Variants in PIP5K1A observed in about 807,000 individuals in gnomAD.
PIP5K1A encodes the protein phosphatidylinositol-4-phosphate 5-kinase type 1 alpha.
PIP5K1A carries 46 observed loss-of-function variants against 72.9 expected under a neutral mutation model. The observed-to-expected ratio is 0.63, with a 90% CI of 0.50 to 0.81. PIP5K1A has a LOEUF of 0.81. PIP5K1A is among the 30% of genes least tolerant of loss of function. The pLI, the probability that PIP5K1A is intolerant of heterozygous loss-of-function variation, is 0.00. For synonymous variants in PIP5K1A, 228 were observed against 255.1 expected, an observed-to-expected ratio of 0.89 and a Z score of 1.01; for missense variants, 458 against 706.1, an observed-to-expected ratio of 0.65 and a Z score of 3.98.
chr1:151,230,347 C>T (rs1429683244), intron 4 of PIP5K1A, among the ~76,000 whole-genome samples: 1 of 152,128 alleles, frequency 6.6e-6, no homozygotes, highest in Admixed American at 6.6e-5. Context: ...CCATGTGTAC[C>T]TAGTGGCTAC....
At chr1:151,247,832 A>G in intron 15 of PIP5K1A, 31 bp from the exon 16 acceptor site, 1 of 1,585,682 alleles carries the variant, frequency 6.3e-7, no homozygotes, top group Non-Finnish European at 8.6e-7. Context: ...CTCATACTCC[A>G]CATCCTTAAC....
chr1:151,240,756 T>A (rs935015613), intron 12 of PIP5K1A, among the ~76,000 whole-genome samples: 4 of 152,136 alleles, frequency 2.6e-5, no homozygotes, highest in African/African-American at 9.7e-5. Flanking sequence ...CATGAGACCT[T>A]GTCTCTACAA....
chr1:151,241,793 T>TC (rs1204995912), intron 12 of PIP5K1A, among the ~76,000 whole-genome samples: 3 of 126,234 alleles, frequency 2.4e-5, no homozygotes, highest in Non-Finnish European at 4.9e-5. Flanking sequence ...AGAGCGAAAC[T>TC]CCATCTCAAA....
chr1:151,216,900 GTTTTTTTTTTTTT>G (rs78155966), intron 1 of PIP5K1A, among the ~76,000 whole-genome samples: 17 of 136,674 alleles, frequency 1.2e-4, no homozygotes, highest in South Asian at 2.5e-4. Context: ...CTTAGTAAAT[GTTTTTTTTTTTTT>G]TTTTTTTTTT....
intron 15 of PIP5K1A, among the ~76,000 whole-genome samples, chr1:151,247,587 G>A (rs587662967): frequency 2.0e-5 from 3 of 152,140 alleles, no homozygotes; most frequent in Non-Finnish European, 2.9e-5. Context: ...CACCATGCCC[G>A]GCTAATTTTT....
chr1:151,241,615 A>C (rs2101628703), intron 12 of PIP5K1A, among the ~76,000 whole-genome samples: 1 of 152,272 alleles, frequency 6.6e-6, no homozygotes, highest in South Asian at 2.1e-4. Flanking sequence ...AGCCTGACCA[A>C]CATGGTGAAA....
At chr1:151,211,797 G>T (rs1417355309) in intron 1 of PIP5K1A, among the ~76,000 whole-genome samples, 8 of 141,230 alleles carry the variant, frequency 5.7e-5, no homozygotes, top group Admixed American at 1.5e-4. Flanking sequence ...CAGAGCAAGA[G>T]TCTGTCTCAA....
chr1:151,212,676 G>A (rs1357691729), intron 1 of PIP5K1A, among the ~76,000 whole-genome samples: 3 of 151,884 alleles, frequency 2.0e-5, no homozygotes, highest in Non-Finnish European at 4.4e-5. Context: ...CCAGGTTCAA[G>A]CCATTCTCCT....
intron 14 of PIP5K1A, among the ~76,000 whole-genome samples, chr1:151,242,981 G>A (rs1691980444): frequency 6.6e-6 from 1 of 152,184 alleles, no homozygotes; most frequent in Non-Finnish European, 1.5e-5. Context: ...CATGGCACCT[G>A]GGCTATCTGA....
intron 1 of PIP5K1A, among the ~76,000 whole-genome samples, chr1:151,206,513 G>T (rs950933403): frequency 6.6e-6 from 1 of 151,954 alleles, no homozygotes; most frequent in African/African-American, 2.4e-5. Context: ...TTTTGTTCTT[G>T]TTTGTTTGTT....
At chr1:151,215,012 C>T (rs1034933397) in intron 1 of PIP5K1A, among the ~76,000 whole-genome samples, 2 of 151,792 alleles carry the variant, frequency 1.3e-5, no homozygotes, top group East Asian at 1.9e-4. Context: ...GCCACCATGC[C>T]CAGCCTGTGC....
intron 12 of PIP5K1A, among the ~76,000 whole-genome samples, chr1:151,241,536 C>T (rs902924114): frequency 4.0e-5 from 6 of 151,868 alleles, no homozygotes; most frequent in African/African-American, 9.7e-5. Context: ...GGCAGTGGCT[C>T]ATACGTATAA....
rs771559819 is a variant in PIP5K1A at position 151,199,060 on chromosome 1, C to T, written c.64C>T (p.Pro22Ser). 3.1e-6 allele frequency: 5 copies of T among 1,614,144 alleles called. No homozygotes were observed. Among genetic ancestry groups the T allele is most frequent in the South Asian group, 1.1e-5 (1 of 91,092 alleles). Residue 22 changes from proline to serine, a missense_variant, in exon 1 of 16, where the codon CCT (proline) becomes TCT (serine). By Grantham distance (74) the Pro-to-Ser change is moderately conservative. Coordinates refer to ENST00000368888, the MANE Select transcript of PIP5K1A (RefSeq NM_001135638.2). Reference protein sequence around the residue: ...VGFSSFDPAVPSCTLSSAASG... With the variant: ...VGFSSFDPAVSSCTLSSAASG... The stretch of plus-strand genomic sequence containing the variant: ...TTTTTCATCCTTTGATCCCGCGGTC[C>T]CTTCCTGTACCTTGTCCTCAGGTAA...
intron 1 of PIP5K1A, among the ~76,000 whole-genome samples, chr1:151,206,387 G>A (rs1232286774): frequency 6.6e-6 from 1 of 152,104 alleles, no homozygotes; most frequent in Non-Finnish European, 1.5e-5. Context: ...ATACTTAACT[G>A]AGCAATATGG....
rs1684785399 is a variant in PIP5K1A at position 151,198,808 on chromosome 1, G to A, written c.-189G>A. 7 of 663,364 alleles carry A rather than the reference G, an allele frequency of 1.1e-5. No homozygotes were observed. The East Asian group carries it at 1.5e-4, about 14-fold the overall frequency. 41.1% of individuals were successfully genotyped at this position (663,364 alleles called of 1,614,324 possible). A position where few individuals can be genotyped will look rare whatever the true frequency, so the allele number is the denominator to read the frequency against. ...GGGACGTGAGTTCTTCCCCATGCCA[G>A]GCGAATGGTGTGGCCTTGAGCTGGT... On this transcript the variant is annotated 5_prime_UTR_variant, in exon 1 of 16. Coordinates refer to ENST00000368888, the MANE Select transcript of PIP5K1A (RefSeq NM_001135638.2).
At chr1:151,226,931 G>T (rs1347472508) in intron 3 of PIP5K1A, among the ~76,000 whole-genome samples, 1 of 152,082 alleles carries the variant, frequency 6.6e-6, no homozygotes, top group Non-Finnish European at 1.5e-5. Flanking sequence ...GGAGGCTGAG[G>T]CGAGAGAATT....
At chr1:151,222,624 G>C (rs1688536244) in intron 1 of PIP5K1A, among the ~76,000 whole-genome samples, 1 of 152,128 alleles carries the variant, frequency 6.6e-6, no homozygotes, top group African/African-American at 2.4e-5. Context: ...GCTGGCTTTT[G>C]GTTCTGCCTG....
chr1:151,240,302 A>G, intron 12 of PIP5K1A: 1 of 432,420 alleles, frequency 2.3e-6, no homozygotes, highest in Non-Finnish European at 4.1e-6. Context: ...AAAAAAATAA[A>G]TAAATAAATA....
intron 11 of PIP5K1A, 32 bp from the exon 12 acceptor site, chr1:151,239,923 C>CATT: frequency 6.5e-7 from 1 of 1,533,606 alleles, no homozygotes. Flanking sequence ...TGCCGGGCCT[C>CATT]CTAACTCTAT....
Sources: allele counts gnomAD v4.1 joint callset (sites outside exome capture counted in the v4.1 genomes callset), GRCh38; gene constraint gnomAD v4.1.1; transcripts MANE v1.5; gene names NCBI Gene and HGNC (gene_info 2026-07-23, HGNC 2026-07-21).